CDC42BPA: variants seen among roughly 807,000 people sequenced by gnomAD.
CDC42BPA encodes the protein serine/threonine-protein kinase MRCK alpha.
A neutral mutation model predicts 223.5 loss-of-function variants in CDC42BPA; 80 were observed. That is an observed-to-expected ratio of 0.36 (90% CI 0.30 to 0.43). The LOEUF (loss-of-function observed/expected upper bound fraction) is 0.43, where lower values mean the gene tolerates loss of function less well. Ranked by LOEUF, CDC42BPA falls within the 20% of genes least tolerant of loss-of-function variation. CDC42BPA has a pLI of 1.00. For missense variants in CDC42BPA, 1,743 were observed against 2,099.9 expected, an observed-to-expected ratio of 0.83 and a Z score of 3.32; for synonymous variants, 694 against 718.6, an observed-to-expected ratio of 0.97 and a Z score of 0.55.
At chr1:227,311,489 T>A (rs1489797090) in intron 1 of CDC42BPA, among the ~76,000 whole-genome samples, 1 of 152,170 alleles carries the variant, frequency 6.6e-6, no homozygotes, top group Non-Finnish European at 1.5e-5. Context: ...AGAGTTCAGC[T>A]GAAGTGATGA....
intron 16 of CDC42BPA, among the ~76,000 whole-genome samples, chr1:227,081,565 G>A (rs111719918): frequency 5.3e-5 from 8 of 151,232 alleles, no homozygotes; most frequent in Admixed American, 1.3e-4. Context: ...CGATTCTCCT[G>A]TCTCAGCCTC....
At chr1:227,130,432 C>T (rs1656838672) in intron 10 of CDC42BPA, among the ~76,000 whole-genome samples, 1 of 152,136 alleles carries the variant, frequency 6.6e-6, no homozygotes, top group Admixed American at 6.6e-5. Flanking sequence ...ACATTTCTTT[C>T]TCTTTGGGTT....
At chr1:227,115,030 A>C (rs1687551264) in intron 12 of CDC42BPA, among the ~76,000 whole-genome samples, 1 of 152,150 alleles carries the variant, frequency 6.6e-6, no homozygotes, top group Non-Finnish European at 1.5e-5. Context: ...ATGATTTTGC[A>C]AACAAAAAGA....
At chr1:227,142,776 C>G (rs371121226) in intron 9 of CDC42BPA, among the ~76,000 whole-genome samples, 169 bp downstream of exon 9, 1 of 152,060 alleles carries the variant, frequency 6.6e-6, no homozygotes, top group African/African-American at 2.4e-5. Context: ...CCTGCCACCA[C>G]GCCCACCTAA....
At chr1:227,127,837 T>C (rs1043592403) in intron 11 of CDC42BPA, among the ~76,000 whole-genome samples, 1 of 152,226 alleles carries the variant, frequency 6.6e-6, no homozygotes, top group Admixed American at 6.5e-5. Context: ...GCATTTTAAA[T>C]AGTCATTTTT....
In CDC42BPA at chr1:227,317,031, TTC is replaced by T; in HGVS notation, c.150_151del (p.Lys51GlufsTer10). On this transcript the variant is annotated frameshift_variant, in exon 1 of 37. Transcript: ENST00000366766. LOFTEE classifies it high-confidence loss of function. ...CCATTCTAGGTATTCGAGAATGTTC[TTC>T]TCTCTTCTCAATGGAGAATTATTGC... 6.2e-7 allele frequency: 1 copy of T among 1,613,688 alleles called. No homozygotes were observed. The highest frequency in any genetic ancestry group is 8.5e-7 in the Non-Finnish European group (1 of 1,179,684).
intron 23 of CDC42BPA, among the ~76,000 whole-genome samples, chr1:227,041,057 A>G (rs1247895976): frequency 6.6e-6 from 1 of 152,208 alleles, no homozygotes; most frequent in Non-Finnish European, 1.5e-5. Context: ...AGGATAAATA[A>G]TAGTATCTAC....
intron 21 of CDC42BPA, among the ~76,000 whole-genome samples, chr1:227,052,917 C>T (rs1220858527): frequency 1.3e-5 from 2 of 152,106 alleles, no homozygotes; most frequent in Non-Finnish European, 2.9e-5. Flanking sequence ...CAAAGTAGAA[C>T]TATTAAAACA....
In CDC42BPA at chr1:227,172,024, T is replaced by A. The variant is rs151097969; in HGVS notation, c.600-11388A>T. On this transcript the variant is annotated intron_variant, in intron 5 of 36. Transcript: ENST00000366766. ...CTAAAACAATACTTTTATTTTCTAA[T>A]TTTCCTACTCCTCCTTTTTTATACT... Among the ~76,000 whole-genome samples, 1,095 of 152,292 alleles carry A rather than the reference T, an allele frequency of 7.2e-3. 11 individuals are homozygous for A. The highest frequency in any genetic ancestry group is 9.3e-3 in the Non-Finnish European group (634 of 68,018).
At chr1:227,301,420 C>T (rs1032821272) in intron 1 of CDC42BPA, among the ~76,000 whole-genome samples, 17 of 150,126 alleles carry the variant, frequency 1.1e-4, no homozygotes, top group Admixed American at 1.3e-4. Flanking sequence ...AGTGCGGTGG[C>T]GCGATCTCGG....
chr1:227,203,450 T>C (rs1032616285), intron 3 of CDC42BPA, among the ~76,000 whole-genome samples: 4 of 152,160 alleles, frequency 2.6e-5, no homozygotes, highest in African/African-American at 9.7e-5. Context: ...TCTAGATCAA[T>C]ATTAACCAAA....
intron 1 of CDC42BPA, among the ~76,000 whole-genome samples, chr1:227,278,731 T>C (rs1031119241): frequency 6.6e-6 from 1 of 152,148 alleles, no homozygotes; most frequent in Admixed American, 6.5e-5. Context: ...CATATATTAT[T>C]ATAATTATAA....
chr1:227,043,245 T>A (rs1201539501), intron 23 of CDC42BPA, among the ~76,000 whole-genome samples: 2 of 152,056 alleles, frequency 1.3e-5, no homozygotes, highest in Non-Finnish European at 2.9e-5. Context: ...AAACCCCGTC[T>A]CTATTAAAAA....
rs995493575 is a variant in CDC42BPA, at chr1:226,994,391, G to A, written c.5142C>T (p.Asp1714=). The change falls in exon 37 of 37, where the codon GAC becomes GAT. Residue 1714 remains aspartate (D), a synonymous_variant. Transcript: ENST00000366766. This position sits in a 1 kb window ranked among gnomAD's most constrained non-coding sequence, Gnocchi z 4.0. ...PARDFDGEDS[D]SPRHSTASNS... ...TGGAAGCTGTGGAATGCCTCGGAGA[G>A]TCAGAGTCCTGTAAGGCCCAAAGTA... 1.6e-5 allele frequency: 25 copies of A among 1,553,800 alleles called. No individual in the cohort carries two copies. The highest frequency in any genetic ancestry group is 1.9e-5 in the Non-Finnish European group (22 of 1,147,798).
chr1:227,050,560 A>C (rs1558378960), intron 22 of CDC42BPA, among the ~76,000 whole-genome samples: 2 of 152,220 alleles, frequency 1.3e-5, no homozygotes, highest in African/African-American at 4.8e-5. Context: ...TAAATATCCA[A>C]CTGCAGGAGA....
At position 227,101,141 on chromosome 1, in the gene CDC42BPA, A is replaced by G. The variant is rs1376452339; in HGVS notation, c.2100T>C (p.Tyr700=). Residue 700 remains tyrosine, a synonymous_variant, in exon 15 of 37, where the codon TAT becomes TAC. Transcript: ENST00000366766. The part of the protein sequence containing the change: ...KTDLEKKSIF[Y]EEELSKREGI... ...CTTCTCTTTTAGATAATTCTTCTTCATAAAAGATACTTTTCTTTTCCAAAT... is the reference window on the plus strand; with the variant it reads ...CTTCTCTTTTAGATAATTCTTCTTCGTAAAAGATACTTTTCTTTTCCAAAT... 1.3e-6 allele frequency: 2 copies of G among 1,577,472 alleles called. No individual in the cohort carries two copies. Among genetic ancestry groups the G allele is most frequent in the South Asian group, 2.2e-5 (2 of 90,168 alleles).
intron 1 of CDC42BPA, among the ~76,000 whole-genome samples, chr1:227,301,988 T>A (rs4568795): frequency 0.31 from 46,500 of 151,782 alleles, 7,240 homozygotes; most frequent in East Asian, 0.36. Flanking sequence ...CCAGATTTTC[T>A]AATCTCCTCT....
chr1:227,265,630 TAA>T (rs77731029), intron 1 of CDC42BPA, among the ~76,000 whole-genome samples: 27 of 132,996 alleles, frequency 2.0e-4, no homozygotes, highest in East Asian at 2.2e-4. Flanking sequence ...GACTCCGTCT[TAA>T]AAAAAAAAAA....
At position 227,317,601 on chromosome 1, in the gene CDC42BPA, T is replaced by C. The variant is rs1402531346; in HGVS notation, c.-419A>G. ...CGAATCCGGTTGCATCATTAATGAA[T>C]AAAGTCCGATTTGCATCAGCAATTC... On this transcript the variant is annotated 5_prime_UTR_variant, in exon 1 of 37. Transcript: ENST00000366766. 2.5e-6 allele frequency: 1 copy of C among 395,586 alleles called. No individual in the cohort carries two copies. Among genetic ancestry groups the C allele is most frequent in the Non-Finnish European group, 4.4e-6 (1 of 225,648 alleles). 24.5% of individuals were successfully genotyped at this position (395,586 alleles called of 1,614,324 possible).
Sources: allele counts gnomAD v4.1 joint callset (sites outside exome capture counted in the v4.1 genomes callset), GRCh38; gene constraint gnomAD v4.1.1; non-coding constraint Gnocchi (gnomAD v3.1); transcripts MANE v1.5; gene names NCBI Gene and HGNC (gene_info 2026-07-23, HGNC 2026-07-21).